SART1: variants seen among roughly 807,000 people sequenced by gnomAD.
SART1 encodes the protein U4/U6.U5 tri-snRNP-associated protein 1.
Under a neutral mutation model 105.0 loss-of-function variants are expected in SART1, and 28 were observed. That is an observed-to-expected ratio of 0.27 (90% CI 0.20 to 0.37). SART1 has a LOEUF of 0.37. Ranked by LOEUF, SART1 falls within the 10% of genes least tolerant of loss-of-function variation. The pLI is 1.00. For synonymous variants in SART1, 472 were observed against 462.9 expected, an observed-to-expected ratio of 1.02 and a Z score of -0.25; for missense variants, 894 against 1,106.5, an observed-to-expected ratio of 0.81 and a Z score of 2.72.
intron 12 of SART1, 95 bp downstream of exon 12, chr11:65,967,916 C>T: frequency 9.9e-7 from 1 of 1,011,170 alleles, no homozygotes; most frequent in Non-Finnish European, 1.4e-6. Context: ...TGTCTGAAGC[C>T]TCTTTTCCAT....
chr11:65,964,594 G>C (rs892349664), intron 3 of SART1, 24 bp downstream of exon 3: 1 of 1,594,158 alleles, frequency 6.3e-7, no homozygotes, highest in Non-Finnish European at 8.5e-7. Flanking sequence ...TGAGGATAGG[G>C]TTTGGGGGAA....
At chr11:65,967,918 C>A in intron 12 of SART1, 97 bp downstream of exon 12, 147 of 828,840 alleles carry the variant, frequency 1.8e-4, no homozygotes, top group Non-Finnish European at 2.3e-4. Flanking sequence ...TCTGAAGCCT[C>A]TTTTCCATTT....
At chr11:65,971,915 C>A (rs530808128) in intron 12 of SART1, among the ~76,000 whole-genome samples, 1 of 152,066 alleles carries the variant, frequency 6.6e-6, no homozygotes, top group Admixed American at 6.5e-5. Flanking sequence ...AGAAAGGATC[C>A]TTGGAATTGA....
chr11:65,977,983 A>G (rs942827357), intron 17 of SART1, 84 bp downstream of exon 17: 53 of 1,438,510 alleles, frequency 3.7e-5, no homozygotes, highest in East Asian at 9.6e-5. Flanking sequence ...GGGCCATGCA[A>G]TGCCCCAGGG....
In SART1 at chr11:65,979,070, T is replaced by C. The variant is rs368297502; in HGVS notation, c.*40T>C. 5.1e-5 allele frequency: 82 copies of C among 1,613,280 alleles called. No homozygotes were observed. The African/African-American group carries it at 9.7e-4, about 19-fold the overall frequency. Reference sequence around the variant, plus strand: ...CCCGGCCCTGCCTCAACCTTCATATTAAATAAAGCTCCCTCCTTATTTTTT... The same window carrying C: ...CCCGGCCCTGCCTCAACCTTCATATCAAATAAAGCTCCCTCCTTATTTTTT... On this transcript the variant is annotated 3_prime_UTR_variant, in exon 20 of 20. Coordinates refer to ENST00000312397, the MANE Select transcript of SART1 (RefSeq NM_005146.5).
At position 65,976,038 on chromosome 11, in the gene SART1, C is replaced by T. The variant is rs565669187; in HGVS notation, c.1573-357C>T. 6.6e-6 allele frequency among the ~76,000 whole-genome samples: 1 copy of T among 152,090 alleles called. No individual in the cohort carries two copies. Among genetic ancestry groups the T allele is most frequent in the South Asian group, 2.1e-4 (1 of 4,804 alleles). ...GAAGTGCTGTCTAGAGTCCTGAAAC[C>T]GGAGTTTGTCGGGGGAGGGGCAGGT... is the stretch of plus-strand genomic sequence containing the variant. On this transcript the variant is annotated intron_variant, in intron 12 of 19. Transcript: ENST00000312397. This position sits in a 1 kb window ranked among gnomAD's most constrained non-coding sequence, Gnocchi z 5.1.
At position 65,978,970 on chromosome 11, in the gene SART1, G is replaced by T. The variant is rs1855537799; in HGVS notation, c.2385-42G>T. On this transcript the variant is annotated intron_variant, in intron 19 of 19. Coordinates refer to ENST00000312397, the MANE Select transcript of SART1 (RefSeq NM_005146.5). The surrounding 1 kb of genome is among the most constrained non-coding windows in gnomAD (Gnocchi z 6.8). ...GTGGTGGGGAGGGGTGGCGTGGCCTGTGCCCGCCTCTGCAGCCTCACGCCC... is the reference window on the plus strand; with the variant it reads ...GTGGTGGGGAGGGGTGGCGTGGCCTTTGCCCGCCTCTGCAGCCTCACGCCC... The T allele has an allele frequency of 6.2e-7, 1 of 1,613,556 alleles. No homozygotes were observed. Among genetic ancestry groups the T allele is most frequent in the Non-Finnish European group, 8.5e-7 (1 of 1,179,880 alleles).
chr11:65,975,290 A>G (rs1469765108), intron 12 of SART1, among the ~76,000 whole-genome samples: 1 of 151,568 alleles, frequency 6.6e-6, no homozygotes, highest in Non-Finnish European at 1.5e-5. Context: ...TTTTGTAGAG[A>G]CTGTGCTTCA....
Position 65,978,009 on chromosome 11 carries a change from C to T in SART1, c.2172+110C>T. 2.4e-6 allele frequency: 3 copies of T among 1,246,926 alleles called. No individual in the cohort carries two copies. The highest frequency in any genetic ancestry group is 2.5e-5 in the East Asian group (1 of 39,594). 77.2% of individuals were successfully genotyped at this position (1,246,926 alleles called of 1,614,324 possible). A position where few individuals can be genotyped will look rare whatever the true frequency, so the allele number is the denominator to read the frequency against. ...TGCCCCAGGGTCCTGGCTCCACCAG[C>T]CTCTGGCTGGGGGCCTGGTGAATGC... On this transcript the variant is annotated intron_variant, in intron 17 of 19. Coordinates refer to ENST00000312397, the MANE Select transcript of SART1 (RefSeq NM_005146.5). This position sits in a 1 kb window ranked among gnomAD's most constrained non-coding sequence, Gnocchi z 6.8.
At chr11:65,973,604 G>A (rs1467667910) in intron 12 of SART1, among the ~76,000 whole-genome samples, 1 of 152,206 alleles carries the variant, frequency 6.6e-6, no homozygotes, top group East Asian at 1.9e-4. Context: ...CAGATGAGAG[G>A]GAATGTGTGC....
In SART1 at chr11:65,966,513, T is replaced by C. The variant is rs142676468; in HGVS notation, c.1145T>C (p.Val382Ala). The C allele has an allele frequency of 6.3e-7, 1 of 1,583,470 alleles. No individual in the cohort carries two copies. The highest frequency in any genetic ancestry group is 8.6e-7 in the Non-Finnish European group (1 of 1,164,656). ...CTGCAGGCTCAGTCCCTGAGCACAGTGGGGCCCCGGCTGGCCTCCGAATAC... is the reference window on the plus strand; with the variant it reads ...CTGCAGGCTCAGTCCCTGAGCACAGCGGGGCCCCGGCTGGCCTCCGAATAC... The part of the protein sequence containing the change: ...LRLQAQSLST[V>A]GPRLASEYLT... Residue 382 changes from valine (V) to alanine (A), a missense_variant, in exon 9 of 20, where the codon GTG becomes GCG. By Grantham distance (64) the Val-to-Ala change is moderately conservative. Coordinates refer to ENST00000312397, the MANE Select transcript of SART1 (RefSeq NM_005146.5).
In SART1 at chr11:65,968,816, G is replaced by A. The variant is rs964289501; in HGVS notation, c.1572+995G>A. On this transcript the variant is annotated intron_variant, in intron 12 of 19. Transcript: ENST00000312397. ...GAGGTAGGGGGCCAACGCAGGGGGAGCCTTGACCCCATGGTCGTCGCTGCC... is the reference window on the plus strand; with the variant it reads ...GAGGTAGGGGGCCAACGCAGGGGGAACCTTGACCCCATGGTCGTCGCTGCC... 3.3e-5 allele frequency among the ~76,000 whole-genome samples: 5 copies of A among 152,294 alleles called. No individual in the cohort carries two copies. In the East Asian group the frequency reaches 9.6e-4, roughly 29 times the overall value.
At chr11:65,975,625 C>T (rs895555126) in intron 12 of SART1, among the ~76,000 whole-genome samples, 2 of 151,714 alleles carry the variant, frequency 1.3e-5, no homozygotes, top group Admixed American at 6.6e-5. Context: ...AGGCTGGTCT[C>T]GATCTCCGGA....
intron 12 of SART1, among the ~76,000 whole-genome samples, chr11:65,971,569 C>A (rs1590640013): frequency 8.3e-5 from 1 of 12,042 alleles, no homozygotes; most frequent in Non-Finnish European, 1.7e-4. Flanking sequence ...TGGTGGGATT[C>A]ATGAGCTGCT....
In SART1 at chr11:65,962,091, C is replaced by G; in HGVS notation, c.311C>G (p.Ala104Gly). 9.9e-7 allele frequency: 1 copy of G among 1,006,096 alleles called. No homozygotes were observed. Among genetic ancestry groups the G allele is most frequent in the Non-Finnish European group, 1.3e-6 (1 of 786,700 alleles). 62.3% of individuals were successfully genotyped at this position (1,006,096 alleles called of 1,614,324 possible). A position where few individuals can be genotyped will look rare whatever the true frequency, so the allele number is the denominator to read the frequency against. Residue 104 changes from alanine (A) to glycine (G), a missense_variant and splice_region_variant, in exon 1 of 20, where the codon GCC (alanine) becomes GGC (glycine). Transcript: ENST00000312397. ...KREKRDDGYE[A>G]AASSKTSSGD... ...GAGAAGCGCGATGACGGCTACGAGG[C>G]CGGTGAGGAGGCGGGGCCTGCGCAG... is the stretch of plus-strand genomic sequence containing the variant.
chr11:65,961,833 C>T lies in SART1; in HGVS notation c.53C>T (p.Ala18Val). The change falls in exon 1 of 20, where the codon GCG (alanine) becomes GTG (valine). Residue 18 changes from alanine (A) to valine (V), a missense_variant. Around this residue, in one of 2 missense-constraint regions of SART1, gnomAD observed 712 missense variants for 778.2 expected, o/e 0.91. Transcript: ENST00000312397. Reference protein sequence around the residue: ...RGEKEAAGTTAAAGTGGATEQ... With the variant: ...RGEKEAAGTTVAAGTGGATEQ... ...GAGAAGGAGGCGGCCGGGACGACGG[C>T]GGCGGCCGGCACCGGGGGTGCCACC... is the stretch of plus-strand genomic sequence containing the variant. 6.4e-7 allele frequency: 1 copy of T among 1,566,862 alleles called. No homozygotes were observed. The highest frequency in any genetic ancestry group is 8.6e-7 in the Non-Finnish European group (1 of 1,162,216).
chr11:65,972,539 C>G (rs988260858), intron 12 of SART1, among the ~76,000 whole-genome samples: 2 of 151,956 alleles, frequency 1.3e-5, no homozygotes, highest in Admixed American at 6.6e-5. Flanking sequence ...TGCTTGAGGC[C>G]AGGAATTTGA....
chr11:65,978,328 C>T lies in SART1; in HGVS notation c.2173-272C>T, dbSNP rs945122501. 3.3e-5 allele frequency among the ~76,000 whole-genome samples: 5 copies of T among 152,140 alleles called. No homozygotes were observed. Among genetic ancestry groups the T allele is most frequent in the South Asian group, 4.1e-4 (2 of 4,832 alleles). On this transcript the variant is annotated intron_variant, in intron 17 of 19. Transcript: ENST00000312397. This position sits in a 1 kb window ranked among gnomAD's most constrained non-coding sequence, Gnocchi z 6.8. ...CCTGCAGCCCCAGCCCCAGCCCCAG[C>T]GTCCAGGCCCAGCCCCTGCGTGGCA...
rs1855519297 is a variant in SART1, at chr11:65,977,999, G to C, written c.2172+100G>C. The C allele has an allele frequency of 5.3e-6, 7 of 1,319,172 alleles. No individual in the cohort carries two copies. The South Asian group carries it at 9.6e-5, about 18-fold the overall frequency. The allele number at this position is 1,319,172 out of a possible 1,614,324, so 81.7% of individuals were successfully genotyped here. ...GGCCATGCAATGCCCCAGGGTCCTG[G>C]CTCCACCAGCCTCTGGCTGGGGGCC... On this transcript the variant is annotated intron_variant, in intron 17 of 19. Transcript: ENST00000312397.
Sources: allele counts gnomAD v4.1 joint callset (sites outside exome capture counted in the v4.1 genomes callset), GRCh38; gene constraint gnomAD v4.1.1; regional missense constraint gnomAD v4.1.1; non-coding constraint Gnocchi (gnomAD v3.1); transcripts MANE v1.5; gene names NCBI Gene and HGNC (gene_info 2026-07-23, HGNC 2026-07-21).